DPP10: variants seen among roughly 807,000 people sequenced by gnomAD.
The protein encoded by DPP10 is inactive dipeptidyl peptidase 10.
In DPP10, 33 loss-of-function variants were observed where a neutral mutation model predicts 120.9. That is an observed-to-expected ratio of 0.27 (90% CI 0.21 to 0.37). DPP10 has a LOEUF of 0.37. Among genes scored for constraint, DPP10 ranks in the 10% least tolerant of loss-of-function variants. The pLI is 1.00. For missense variants in DPP10, 816 were observed against 942.8 expected (o/e 0.87, Z 1.76); for synonymous variants, 337 against 326.1 (o/e 1.03, Z -0.36).
chr2:114,670,091 C>A (rs1698216492), intron 1 of DPP10, among the ~76,000 whole-genome samples: 1 of 152,098 alleles, frequency 6.6e-6, no homozygotes, highest in Non-Finnish European at 1.5e-5. Context: ...ACTAGTTCAA[C>A]CATTGTGGAA....
intron 1 of DPP10, among the ~76,000 whole-genome samples, chr2:115,097,306 T>C (rs2048450711): frequency 6.6e-6 from 1 of 152,202 alleles, no homozygotes; most frequent in Admixed American, 6.5e-5. Context: ...AAAGACCAAA[T>C]TTTAAAAATA....
intron 4 of DPP10, among the ~76,000 whole-genome samples, chr2:115,504,571 T>C (rs2148811180): frequency 6.6e-6 from 1 of 152,216 alleles, no homozygotes; most frequent in South Asian, 2.1e-4. Context: ...TTATGTTTGT[T>C]TACATTATTT....
intron 5 of DPP10, among the ~76,000 whole-genome samples, chr2:115,684,580 C>T (rs1175923814): frequency 6.6e-6 from 1 of 151,756 alleles, no homozygotes; most frequent in Non-Finnish European, 1.5e-5. Flanking sequence ...TTTAAATATT[C>T]TCCAGGCCAT....
At chr2:114,799,352 T>G (rs1007964435) in intron 1 of DPP10, among the ~76,000 whole-genome samples, 1 of 152,158 alleles carries the variant, frequency 6.6e-6, no homozygotes. Context: ...ACAGAATTAG[T>G]AGGGCTGCCT....
chr2:115,062,916 T>A (rs1436538171), intron 1 of DPP10, among the ~76,000 whole-genome samples: 1 of 152,188 alleles, frequency 6.6e-6, no homozygotes, highest in African/African-American at 2.4e-5. Flanking sequence ...AGTAATGGGA[T>A]TGCTGGGTCA....
chr2:115,578,037 A>G (rs2081786351), intron 5 of DPP10, among the ~76,000 whole-genome samples: 1 of 152,134 alleles, frequency 6.6e-6, no homozygotes, highest in African/African-American at 2.4e-5. Flanking sequence ...AACTTTATCT[A>G]TTAAAAAACT....
intron 5 of DPP10, among the ~76,000 whole-genome samples, chr2:115,672,303 A>G (rs931849129): frequency 1.3e-5 from 2 of 152,048 alleles, no homozygotes; most frequent in African/African-American, 4.8e-5. Flanking sequence ...TCATTAGCAG[A>G]CACACTTGTA....
intron 1 of DPP10, among the ~76,000 whole-genome samples, chr2:114,697,000 G>A (rs1272159022): frequency 1.3e-5 from 2 of 152,022 alleles, no homozygotes; most frequent in Non-Finnish European, 2.9e-5. Context: ...GAATCCAGAT[G>A]TCTGTCATAT....
At chr2:114,834,529 C>T (rs1038461965) in intron 1 of DPP10, among the ~76,000 whole-genome samples, 15 of 150,794 alleles carry the variant, frequency 9.9e-5, no homozygotes, top group South Asian at 2.1e-4. Context: ...GACATATCTA[C>T]GCACCTATGT....
intron 1 of DPP10, chr2:115,162,056 C>T (rs1559164959): frequency 4.9e-6 from 7 of 1,438,740 alleles, no homozygotes; most frequent in Non-Finnish European, 1.8e-6. Flanking sequence ...CGGCCAGGCC[C>T]TCCCGGGAGG....
intron 1 of DPP10, among the ~76,000 whole-genome samples, chr2:114,748,547 TC>T (rs1449721846): frequency 1.2e-5 from 1 of 83,862 alleles, no homozygotes; most frequent in Non-Finnish European, 2.2e-5. Flanking sequence ...ATGCTATCCC[TC>T]CCCCCTCCCC....
Position 115,083,466 on chromosome 2 carries a change from C to T in DPP10, c.61-225773C>T, listed in dbSNP as rs1453293654. Among the ~76,000 whole-genome samples the T allele has an allele frequency of 2.6e-5, 4 of 152,274 alleles. No homozygotes were observed. The East Asian group carries it at 7.7e-4, about 29-fold the overall frequency. ...TTTCACATAGTATCACAACTAGTCA[C>T]CCAGCAACCTACTAGAGAAACCTGG... On this transcript the variant is annotated intron_variant, in intron 1 of 25. Coordinates refer to ENST00000410059, the MANE Select transcript of DPP10 (RefSeq NM_020868.6).
chr2:115,136,459 T>A (rs1215705607), intron 1 of DPP10, among the ~76,000 whole-genome samples: 1 of 152,200 alleles, frequency 6.6e-6, no homozygotes, highest in East Asian at 1.9e-4. Flanking sequence ...GGCTACAAAG[T>A]AAAGTCATAA....
intron 1 of DPP10, among the ~76,000 whole-genome samples, chr2:114,945,115 G>T (rs72832481): frequency 0.024 from 3,726 of 152,246 alleles, 62 homozygotes; most frequent in Middle Eastern, 0.031. Flanking sequence ...CAGGTTACAC[G>T]TAAAATGCAA....
At chr2:115,090,978 G>T (rs942735442) in intron 1 of DPP10, among the ~76,000 whole-genome samples, 1 of 152,174 alleles carries the variant, frequency 6.6e-6, no homozygotes, top group Non-Finnish European at 1.5e-5. Context: ...GATTTAGGTG[G>T]TTTTTGATCA....
intron 1 of DPP10, among the ~76,000 whole-genome samples, chr2:114,641,416 C>T (rs1333339942): frequency 4.0e-5 from 6 of 151,844 alleles, no homozygotes; most frequent in East Asian, 1.9e-4. Flanking sequence ...AGAAAAGGCA[C>T]GAATGGTGCT....
chr2:115,697,989 TAAATAAAC>T (rs910159348), intron 7 of DPP10, among the ~76,000 whole-genome samples: 4 of 151,926 alleles, frequency 2.6e-5, no homozygotes, highest in African/African-American at 9.7e-5. Context: ...TTAAAACAAA[TAAATAAAC>T]AAATAAAAAA....
chr2:114,646,875 C>G (rs975282450), intron 1 of DPP10, among the ~76,000 whole-genome samples: 9 of 152,290 alleles, frequency 5.9e-5, no homozygotes, highest in African/African-American at 2.2e-4. Context: ...CTGGAATTGC[C>G]TCGCTTCCTA....
chr2:115,170,447 G>A (rs1387286805), intron 1 of DPP10, among the ~76,000 whole-genome samples: 1 of 152,076 alleles, frequency 6.6e-6, no homozygotes, highest in Non-Finnish European at 1.5e-5. Context: ...TGAAATCCAT[G>A]AAGGATTCCT....
Sources: gnomAD v4.1 joint callset for allele counts (sites outside exome capture counted in the v4.1 genomes callset) on GRCh38, gnomAD v4.1.1 for gene constraint, MANE v1.5 for transcripts, NCBI Gene and HGNC (gene_info 2026-07-23, HGNC 2026-07-21) for gene names.